MAP2K6: variants seen among roughly 807,000 people sequenced by gnomAD.
MAP2K6 encodes dual specificity mitogen-activated protein kinase kinase 6.
In MAP2K6, 16 loss-of-function variants were observed where a neutral mutation model predicts 53.7. That is an observed-to-expected ratio of 0.30 (90% CI 0.20 to 0.45). The LOEUF is 0.45. Ranked by LOEUF, MAP2K6 falls within the 20% of genes least tolerant of loss-of-function variation. The pLI is 1.00. For missense variants in MAP2K6, 204 were observed against 411.9 expected (o/e 0.50, Z 4.37); for synonymous variants, 132 against 143.1 (o/e 0.92, Z 0.55).
At chr17:69,529,667 C>T (rs912199648) in intron 10 of MAP2K6, among the ~76,000 whole-genome samples, 4 of 151,712 alleles carry the variant, frequency 2.6e-5, no homozygotes, top group South Asian at 2.1e-4. Flanking sequence ...CCCGCCACCA[C>T]GCCCGGCTAA....
Position 69,433,415 on chromosome 17 carries a change from A to G in MAP2K6, c.16+18415A>G, listed in dbSNP as rs78776438. On this transcript the variant is annotated intron_variant, in intron 1 of 11. Coordinates refer to ENST00000590474, the MANE Select transcript of MAP2K6 (RefSeq NM_002758.4). The stretch of plus-strand genomic sequence containing the variant: ...TAGTCTTCCTATAAAGACAGAAACT[A>G]ACTGCTGAGGCTTAAAGATATAAAA... 2.8e-3 allele frequency: 420 copies of G among 152,338 alleles called. 1 individual carries two copies. The highest frequency in any genetic ancestry group is 9.3e-3 in the African/African-American group (387 of 41,568). The allele number at this position is 152,338 out of a possible 1,614,324, so 9.4% of individuals were successfully genotyped here. A position where few individuals can be genotyped will look rare whatever the true frequency, so the allele number is the denominator to read the frequency against.
At chr17:69,535,174 A>G (rs1399044954) in intron 10 of MAP2K6, among the ~76,000 whole-genome samples, 1 of 152,186 alleles carries the variant, frequency 6.6e-6, no homozygotes, top group Non-Finnish European at 1.5e-5. Context: ...TCACCTGACA[A>G]TAGCGCATGA....
At chr17:69,506,964 C>CT (rs1055707089) in intron 2 of MAP2K6, among the ~76,000 whole-genome samples, 7 of 145,808 alleles carry the variant, frequency 4.8e-5, no homozygotes, top group South Asian at 4.4e-4. Flanking sequence ...TTTTTTTTTT[C>CT]TTTTTTTTTC....
intron 1 of MAP2K6, among the ~76,000 whole-genome samples, chr17:69,480,581 T>C (rs912496381): frequency 6.6e-6 from 1 of 152,210 alleles, no homozygotes; most frequent in Admixed American, 6.5e-5. Flanking sequence ...AAAAAGTCCA[T>C]TTCATTCTTC....
intron 10 of MAP2K6, among the ~76,000 whole-genome samples, chr17:69,533,216 GGCATTA>G (rs1423444414): frequency 6.6e-6 from 1 of 152,120 alleles, no homozygotes; most frequent in African/African-American, 2.4e-5. Context: ...TGGGATTACA[GGCATTA>G]GCCACTGCAC....
chr17:69,526,787 A>G, intron 10 of MAP2K6, 78 bp downstream of exon 10: 1 of 1,507,398 alleles, frequency 6.6e-7, no homozygotes, highest in Non-Finnish European at 8.9e-7. Flanking sequence ...TCGGGGTTGA[A>G]TCCATCATGC....
rs555547010 is a variant in MAP2K6, at chr17:69,466,454, G to C, written c.17-39326G>C. ...TATTCTGTATTTTTACTTTTACTAT[G>C]ATCTCCGTTTTCCCAGAAAGTGTGT... On this transcript the variant is annotated intron_variant, in intron 1 of 11. Coordinates refer to ENST00000590474, the MANE Select transcript of MAP2K6 (RefSeq NM_002758.4). 8.5e-5 allele frequency among the ~76,000 whole-genome samples: 13 copies of C among 152,220 alleles called. No individual in the cohort carries two copies. In the South Asian group the frequency reaches 2.7e-3, roughly 32 times the overall value.
chr17:69,423,412 G>A (rs1906160770), intron 1 of MAP2K6, among the ~76,000 whole-genome samples: 1 of 152,190 alleles, frequency 6.6e-6, no homozygotes, highest in Non-Finnish European at 1.5e-5. Flanking sequence ...TTGCGCCAGA[G>A]CCCCTATGTC....
chr17:69,427,174 C>G (rs1231982217), intron 1 of MAP2K6, among the ~76,000 whole-genome samples: 2 of 152,202 alleles, frequency 1.3e-5, no homozygotes, highest in Non-Finnish European at 2.9e-5. Flanking sequence ...GCCAACCTGC[C>G]TTTTCCATTT....
rs184709739 is a variant in MAP2K6 at position 69,429,593 on chromosome 17, A to G, written c.16+14593A>G. On this transcript the variant is annotated intron_variant, in intron 1 of 11. Coordinates refer to ENST00000590474, the MANE Select transcript of MAP2K6 (RefSeq NM_002758.4). ...AACAAAGGTCTTTTCAACTATGTGT[A>G]TATTTCCTAGAGCTAATATGCAGCT... Among the ~76,000 whole-genome samples, 162 of 152,348 alleles carry G rather than the reference A, an allele frequency of 1.1e-3. 1 individual carries two copies. The highest frequency in any genetic ancestry group is 3.8e-3 in the African/African-American group (159 of 41,586).
In MAP2K6 at chr17:69,549,079, C is replaced by T. The variant is rs1911993612; in HGVS notation, c.*7326C>T. The T allele has an allele frequency of 6.6e-6, 1 of 152,166 alleles. No individual in the cohort carries two copies. The highest frequency in any genetic ancestry group is 6.5e-5 in the Admixed American group (1 of 15,274). 9.4% of individuals were successfully genotyped at this position (152,166 alleles called of 1,614,324 possible). ...CCTAATTCCTTGGGACTTTCAGTAT[C>T]TTGACATCACTTGTATTATCATTTG... On this transcript the variant is annotated 3_prime_UTR_variant, in exon 12 of 12. Coordinates refer to ENST00000590474, the MANE Select transcript of MAP2K6 (RefSeq NM_002758.4).
chr17:69,466,479 T>C (rs1302337762), intron 1 of MAP2K6, among the ~76,000 whole-genome samples: 1 of 152,190 alleles, frequency 6.6e-6, no homozygotes, highest in Non-Finnish European at 1.5e-5. Flanking sequence ...AGAAAGTGTG[T>C]AGACCCTCCT....
chr17:69,432,269 A>G (rs963937013), intron 1 of MAP2K6, among the ~76,000 whole-genome samples: 4 of 152,226 alleles, frequency 2.6e-5, no homozygotes, highest in Admixed American at 6.5e-5. Flanking sequence ...TTTACTCCAG[A>G]TATATCATTT....
At chr17:69,420,671 A>G (rs1906048776) in intron 1 of MAP2K6, among the ~76,000 whole-genome samples, 3 of 152,358 alleles carry the variant, frequency 2.0e-5, no homozygotes, top group Admixed American at 2.0e-4. Flanking sequence ...TCAGATCTAC[A>G]GATTCTCTGT....
At position 69,418,419 on chromosome 17, in the gene MAP2K6, A is replaced by G. The variant is rs562648468; in HGVS notation, c.16+3419A>G. On this transcript the variant is annotated intron_variant, in intron 1 of 11. Coordinates refer to ENST00000590474, the MANE Select transcript of MAP2K6 (RefSeq NM_002758.4). ...TCTACAAGGAATATTTTTAAAACTTAAAAGAAATTTCATAAATAACCCTTG... is the reference window on the plus strand; with the variant it reads ...TCTACAAGGAATATTTTTAAAACTTGAAAGAAATTTCATAAATAACCCTTG... Among the ~76,000 whole-genome samples, 22 of 152,362 alleles carry G rather than the reference A, an allele frequency of 1.4e-4. No homozygotes were observed. In the East Asian group the frequency reaches 4.0e-3, roughly 28 times the overall value.
At chr17:69,525,447 A>C (rs1374339140) in intron 9 of MAP2K6, among the ~76,000 whole-genome samples, 2 of 152,202 alleles carry the variant, frequency 1.3e-5, no homozygotes, top group African/African-American at 4.8e-5. Flanking sequence ...AAGTCTGATC[A>C]GGTCAGTGTA....
intron 2 of MAP2K6, 121 bp from the exon 3 acceptor site, chr17:69,516,734 G>A (rs766630644): frequency 5.7e-6 from 4 of 702,908 alleles, no homozygotes; most frequent in Non-Finnish European, 9.9e-6. Flanking sequence ...GGCTGCTTTA[G>A]TTTACTCATG....
At position 69,454,559 on chromosome 17, in the gene MAP2K6, A is replaced by AT. The variant is rs879315471; in HGVS notation, c.16+39572dup. Among the ~76,000 whole-genome samples, 590 of 140,446 alleles carry AT rather than the reference A, an allele frequency of 4.2e-3. 6 individuals are homozygous for AT. The highest frequency in any genetic ancestry group is 0.018 in the Middle Eastern group (5 of 272). The allele number at this position is 140,446 out of a possible 152,430, so 92.1% of individuals were successfully genotyped here. On this transcript the variant is annotated intron_variant, in intron 1 of 11. Transcript: ENST00000590474. ...ATCACCATGCCCGGCTAATTTTTGTATTTTTTTTTTTTTAGTAGAGATGGG... is the reference window on the plus strand; with the variant it reads ...ATCACCATGCCCGGCTAATTTTTGTATTTTTTTTTTTTTTAGTAGAGATGGG...
rs1255601661 is a variant in MAP2K6 at position 69,493,783 on chromosome 17, A to ATG, written c.17-11996_17-11995insGT. Among the ~76,000 whole-genome samples, 6 of 150,964 alleles carry ATG rather than the reference A, an allele frequency of 4.0e-5. No homozygotes were observed. The East Asian group carries it at 1.2e-3, about 29-fold the overall frequency. ...CTCAAGAAAAAAGAAAAAAAAAAATATATGTATACTCAGCTTCATTAAATA... is the reference window on the plus strand; with the variant it reads ...CTCAAGAAAAAAGAAAAAAAAAAATATGTATGTATACTCAGCTTCATTAAATA... On this transcript the variant is annotated intron_variant, in intron 1 of 11. Transcript: ENST00000590474.
Sources: allele counts gnomAD v4.1 joint callset (sites outside exome capture counted in the v4.1 genomes callset), GRCh38; gene constraint gnomAD v4.1.1; transcripts MANE v1.5; gene names NCBI Gene and HGNC (gene_info 2026-07-23, HGNC 2026-07-21).